The following CAND2 variants were observed in gnomAD, a reference collection of about 807,000 sequenced individuals.
CAND2 encodes the protein cullin-associated NEDD8-dissociated protein 2.
CAND2 carries 62 observed loss-of-function variants against 98.9 expected under a neutral mutation model. That is an observed-to-expected ratio of 0.63 (90% CI 0.51 to 0.77). CAND2 has a LOEUF of 0.77. Among genes scored for constraint, CAND2 ranks in the 30% least tolerant of loss-of-function variants. The pLI is 0.00. For missense variants in CAND2, 1,501 were observed against 1,655.2 expected (o/e 0.91, Z 1.62); for synonymous variants, 770 against 731.9 (o/e 1.05, Z -0.84).
intron 3 of CAND2, 78 bp from the exon 4 acceptor site, chr3:12,808,132 A>G: frequency 6.6e-7 from 1 of 1,518,034 alleles, no homozygotes; most frequent in Non-Finnish European, 8.9e-7. Context: ...ACACAGCCAG[A>G]GCAGAGGCAG....
chr3:12,812,179 G>A (rs1392085907), intron 5 of CAND2, among the ~76,000 whole-genome samples: 4 of 149,440 alleles, frequency 2.7e-5, no homozygotes, highest in Non-Finnish European at 5.9e-5. Flanking sequence ...AAAGTGCTGG[G>A]ATTACAGGTG....
At chr3:12,808,614 G>T (rs1389277088) in intron 4 of CAND2, among the ~76,000 whole-genome samples, 1 of 152,230 alleles carries the variant, frequency 6.6e-6, no homozygotes, top group Non-Finnish European at 1.5e-5. Flanking sequence ...AGTCTTGGTT[G>T]TTCTAGGGAG....
chr3:12,813,093 G>A lies in CAND2; in HGVS notation c.861G>A (p.Arg287=). 1 of 1,575,504 alleles carries A rather than the reference G, an allele frequency of 6.3e-7. No homozygotes were observed. The highest frequency in any genetic ancestry group is 8.6e-7 in the Non-Finnish European group (1 of 1,160,028). ...TCCAGGCTTTTGAGGCCTTCTTGAG[G>A]AAGTATGTATGGTGGGGTTGCCTGG... ...SCLQAFEAFL[R]KCPKEMGPHV... is the part of the protein sequence containing the mutation. The change falls in exon 6 of 15, where the codon AGG becomes AGA. Residue 287 remains arginine, a splice_region_variant and synonymous_variant. Coordinates refer to ENST00000456430, the MANE Select transcript of CAND2 (RefSeq NM_001162499.2).
chr3:12,816,777 G>C lies in CAND2; in HGVS notation c.1845G>C (p.Leu615=), dbSNP rs1467164776. ...GGGATGACCTGGAGCCCACGTTACT[G>C]CTCCTCCTGGACCGCCTGCGGAATG... ...RLGDDLEPTL[L]LLLDRLRNEI... The change falls in exon 10 of 15, where the codon CTG becomes CTC. Residue 615 remains leucine, a synonymous_variant. Transcript: ENST00000456430. The C allele has an allele frequency of 1.9e-6, 3 of 1,613,442 alleles. No homozygotes were observed. The highest frequency in any genetic ancestry group is 2.5e-6 in the Non-Finnish European group (3 of 1,180,042).
At position 12,826,434 on chromosome 3, in the gene CAND2, T is replaced by C. The variant is rs538572970; in HGVS notation, c.3210+795T>C. On this transcript the variant is annotated intron_variant, in intron 12 of 14. Coordinates refer to ENST00000456430, the MANE Select transcript of CAND2 (RefSeq NM_001162499.2). ...CAGAAAGACCTGGGTGTCTTTTTTGTTGTTTTTTTTTGAGACAGGATCTTG... is the reference window on the plus strand; with the variant it reads ...CAGAAAGACCTGGGTGTCTTTTTTGCTGTTTTTTTTTGAGACAGGATCTTG... 2.6e-3 allele frequency among the ~76,000 whole-genome samples: 194 copies of C among 75,760 alleles called. 1 individual carries two copies. The highest frequency in any genetic ancestry group is 3.2e-3 in the Non-Finnish European group (116 of 36,250). The allele number at this position is 75,760 out of a possible 152,430, so 49.7% of individuals were successfully genotyped here. A position where few individuals can be genotyped will look rare whatever the true frequency, so the allele number is the denominator to read the frequency against.
chr3:12,816,098 C>A, intron 9 of CAND2, 90 bp downstream of exon 9: 1 of 1,316,728 alleles, frequency 7.6e-7, no homozygotes, highest in Non-Finnish European at 1.1e-6. Context: ...GTTCCTGAGA[C>A]AGTCTGAGAC....
rs756369567 is a variant in CAND2, at chr3:12,813,313, G to A, written c.931G>A (p.Asp311Asn). ...CCTCTGCCTCCAATACATAAAACAC[G>A]ACCCCAACTACAACTACGACAGTGA... ...TSLCLQYIKH[D>N]PNYNYDSDED... is the part of the protein sequence containing the mutation. The change falls in exon 7 of 15, where the codon GAC (aspartate) becomes AAC (asparagine). Residue 311 changes from aspartate to asparagine, a missense_variant. This residue lies in a region of CAND2 where 1,427 missense variants were observed against 1,545.3 expected (regional missense o/e 0.92). Transcript: ENST00000456430. The A allele has an allele frequency of 8.7e-6, 14 of 1,614,078 alleles. No individual in the cohort carries two copies. Among genetic ancestry groups the A allele is most frequent in the Admixed American group, 5.0e-5 (3 of 60,018 alleles).
At chr3:12,813,202 G>C (rs1575769797) in intron 6 of CAND2, 44 bp from the exon 7 acceptor site, 1 of 1,607,542 alleles carries the variant, frequency 6.2e-7, no homozygotes, top group African/African-American at 1.3e-5. Context: ...CCCCACTCCT[G>C]TCCTGGCTGG....
chr3:12,830,756 G>A (rs573252581), intron 13 of CAND2, among the ~76,000 whole-genome samples: 1 of 152,336 alleles, frequency 6.6e-6, no homozygotes, highest in South Asian at 2.1e-4. Flanking sequence ...TAGTTCTAGG[G>A]CACAGGGTCA....
intron 6 of CAND2, 53 bp from the exon 7 acceptor site, chr3:12,813,193 C>A: frequency 6.2e-7 from 1 of 1,604,232 alleles, no homozygotes; most frequent in East Asian, 2.2e-5. Flanking sequence ...GGCCCTGTCC[C>A]CCACTCCTGT....
intron 13 of CAND2, among the ~76,000 whole-genome samples, chr3:12,829,176 C>T (rs998803764): frequency 3.3e-5 from 5 of 152,214 alleles, no homozygotes; most frequent in Admixed American, 6.5e-5. Flanking sequence ...GATGGAGTCT[C>T]ACTTTATGGC....
At chr3:12,831,828 GTC>G (rs1553639762) in intron 14 of CAND2, among the ~76,000 whole-genome samples, 1 of 152,226 alleles carries the variant, frequency 6.6e-6, no homozygotes, top group African/African-American at 2.4e-5. Flanking sequence ...ACCCACCTCT[GTC>G]TCTCCTTCCA....
rs1290426238 is a variant in CAND2, at chr3:12,817,708, C to T, written c.2776C>T (p.Gln926Ter). ...HSLREALGAA[Q>*]PDSLKPYAED... ...ACTCAGGGAGGCCCTGGGGGCCGCCCAGCCTGACAGCCTGAAGCCCTACGC... is the reference window on the plus strand; with the variant it reads ...ACTCAGGGAGGCCCTGGGGGCCGCCTAGCCTGACAGCCTGAAGCCCTACGC... The change falls in exon 10 of 15, where the codon CAG becomes TAG. Residue 926 changes from glutamine (Q) to a stop codon, truncating the protein, a stop_gained. Coordinates refer to ENST00000456430, the MANE Select transcript of CAND2 (RefSeq NM_001162499.2). LOFTEE classifies it high-confidence loss of function. The T allele has an allele frequency of 2.5e-6, 4 of 1,594,728 alleles. No individual in the cohort carries two copies. Among genetic ancestry groups the T allele is most frequent in the Non-Finnish European group, 3.4e-6 (4 of 1,170,274 alleles).
rs766153105 is a variant in CAND2, at chr3:12,816,928, C to A, written c.1996C>A (p.Arg666=). 6.2e-7 allele frequency: 1 copy of A among 1,613,694 alleles called. No individual in the cohort carries two copies. The highest frequency in any genetic ancestry group is 1.3e-5 in the African/African-American group (1 of 75,064). Residue 666 remains arginine, a synonymous_variant, in exon 10 of 15, where the codon CGG becomes AGG. Coordinates refer to ENST00000456430, the MANE Select transcript of CAND2 (RefSeq NM_001162499.2). The stretch of plus-strand genomic sequence containing the variant: ...GGCCTCATTCCTGCGGAAGAACCAG[C>A]GGGCTTTGCGACTGGCCACACTGGC... The part of the protein sequence containing the change: ...ILASFLRKNQ[R]ALRLATLAAL...
At chr3:12,808,909 G>A (rs2061828539) in intron 4 of CAND2, among the ~76,000 whole-genome samples, 2 of 152,134 alleles carry the variant, frequency 1.3e-5, no homozygotes, top group African/African-American at 4.8e-5. Context: ...AGGCTGTAAT[G>A]TGGAGAGGTG....
intron 13 of CAND2, among the ~76,000 whole-genome samples, chr3:12,831,066 C>CTTTT (rs1553639697): frequency 1.3e-5 from 2 of 151,142 alleles, no homozygotes; most frequent in Non-Finnish European, 3.0e-5. Flanking sequence ...AAAATCGAGA[C>CTTTT]TTTTTTTTTA....
chr3:12,821,532 G>C (rs953537934), intron 11 of CAND2, among the ~76,000 whole-genome samples: 5 of 152,178 alleles, frequency 3.3e-5, no homozygotes, highest in African/African-American at 4.8e-5. Flanking sequence ...CAAGGTCATC[G>C]GCAGCAACTT....
Position 12,831,487 on chromosome 3 carries a change from C to A in CAND2, c.3398C>A (p.Ala1133Asp), listed in dbSNP as rs934905217. 6.8e-6 allele frequency: 11 copies of A among 1,614,066 alleles called. No individual in the cohort carries two copies. The highest frequency in any genetic ancestry group is 9.3e-6 in the Non-Finnish European group (11 of 1,179,994). Residue 1133 changes from alanine to aspartate, a missense_variant, in exon 14 of 15, where the codon GCC becomes GAC. By Grantham distance (126) the Ala-to-Asp change is moderately radical. This residue lies in a region of CAND2 where 1,427 missense variants were observed against 1,545.3 expected (regional missense o/e 0.92). Coordinates refer to ENST00000456430, the MANE Select transcript of CAND2 (RefSeq NM_001162499.2). ...CAGATGCTGACCTTCATCATGGTTGCCCGGCTGGCCACCCTGTGTCCTGCA... is the reference window on the plus strand; with the variant it reads ...CAGATGCTGACCTTCATCATGGTTGACCGGCTGGCCACCCTGTGTCCTGCA... ...DIRMLTFIMV[A>D]RLATLCPAPV...
intron 1 of CAND2, among the ~76,000 whole-genome samples, chr3:12,797,993 C>T (rs865984089): frequency 1.1e-4 from 17 of 152,106 alleles, no homozygotes; most frequent in South Asian, 2.1e-4. Context: ...CTTCAGATCC[C>T]AGCTGCCGTC....
Sources: allele counts gnomAD v4.1 joint callset (sites outside exome capture counted in the v4.1 genomes callset), GRCh38; gene constraint gnomAD v4.1.1; regional missense constraint gnomAD v4.1.1; transcripts MANE v1.5; gene names NCBI Gene and HGNC (gene_info 2026-07-23, HGNC 2026-07-21).